PDZD8: variants seen among roughly 807,000 people sequenced by gnomAD.
PDZD8 encodes the protein PDZ domain containing 8.
PDZD8 carries 14 observed loss-of-function variants against 85.8 expected under a neutral mutation model. The observed-to-expected ratio is 0.16, with a 90% CI of 0.11 to 0.26. The LOEUF (loss-of-function observed/expected upper bound fraction) is 0.26, where lower values mean the gene tolerates loss of function less well. Among genes scored for constraint, PDZD8 ranks in the 10% least tolerant of loss-of-function variants. The pLI, the probability that PDZD8 is intolerant of heterozygous loss-of-function variation, is 1.00. For missense variants in PDZD8, 1,197 were observed against 1,424.3 expected (o/e 0.84, Z 2.57); for synonymous variants, 592 against 568.6 (o/e 1.04, Z -0.59).
chr10:117,315,765 G>C (rs1400811214), intron 3 of PDZD8, among the ~76,000 whole-genome samples: 1 of 151,932 alleles, frequency 6.6e-6, no homozygotes. Context: ...CGCTAACCAG[G>C]CACATAATGA....
At chr10:117,357,038 G>A (rs1158238506) in intron 1 of PDZD8, among the ~76,000 whole-genome samples, 1 of 152,144 alleles carries the variant, frequency 6.6e-6, no homozygotes, top group Non-Finnish European at 1.5e-5. Context: ...ATGCATTCAA[G>A]TCTAAATTAA....
intron 1 of PDZD8, among the ~76,000 whole-genome samples, chr10:117,353,720 G>C (rs1490924824): frequency 7.7e-6 from 1 of 130,622 alleles, no homozygotes; most frequent in Non-Finnish European, 1.6e-5. Context: ...GTGGCCCTAA[G>C]TTAATTACTG....
chr10:117,350,755 T>C (rs572385284), intron 1 of PDZD8, among the ~76,000 whole-genome samples: 37 of 151,552 alleles, frequency 2.4e-4, no homozygotes, highest in African/African-American at 8.7e-4. Context: ...TACAAAAAAA[T>C]TAGCTGGGTG....
intron 1 of PDZD8, among the ~76,000 whole-genome samples, chr10:117,373,878 A>T (rs1252002646): frequency 6.6e-6 from 1 of 152,226 alleles, no homozygotes; most frequent in Non-Finnish European, 1.5e-5. Flanking sequence ...AGTGGCTTGC[A>T]ATGTCAAATT....
intron 2 of PDZD8, 31 bp from the exon 3 acceptor site, chr10:117,319,005 T>C (rs1844179206): frequency 1.4e-6 from 2 of 1,402,086 alleles, no homozygotes; most frequent in Non-Finnish European, 2.0e-6. Flanking sequence ...AGGGAGAGTA[T>C]CATACCTGTT....
intron 1 of PDZD8, among the ~76,000 whole-genome samples, chr10:117,352,561 G>C (rs916193299): frequency 1.3e-5 from 2 of 152,188 alleles, no homozygotes; most frequent in African/African-American, 4.8e-5. Context: ...GATAAAGCAG[G>C]TGATATTGGA....
chr10:117,354,911 T>C (rs975485827), intron 1 of PDZD8, among the ~76,000 whole-genome samples: 4 of 152,214 alleles, frequency 2.6e-5, no homozygotes, highest in Admixed American at 2.6e-4. Context: ...TTCCCCCTGC[T>C]GCATTAAAAG....
At chr10:117,329,770 A>C (rs1307543628) in intron 2 of PDZD8, among the ~76,000 whole-genome samples, 34 of 151,574 alleles carry the variant, frequency 2.2e-4, no homozygotes, top group Non-Finnish European at 1.3e-4. Flanking sequence ...ACATGGCAAA[A>C]CTCTGTCTCT....
intron 2 of PDZD8, among the ~76,000 whole-genome samples, chr10:117,330,113 T>C (rs1477566124): frequency 6.6e-6 from 1 of 150,994 alleles, no homozygotes; most frequent in Non-Finnish European, 1.5e-5. Context: ...AACCCTGCAC[T>C]TGAAGGGGGT....
At chr10:117,352,252 A>C (rs1294501244) in intron 1 of PDZD8, among the ~76,000 whole-genome samples, 1 of 152,196 alleles carries the variant, frequency 6.6e-6, no homozygotes, top group Non-Finnish European at 1.5e-5. Flanking sequence ...CCCAATGTAA[A>C]AATATGCAGA....
chr10:117,336,053 G>C (rs1017937609), intron 2 of PDZD8, among the ~76,000 whole-genome samples: 11 of 152,166 alleles, frequency 7.2e-5, no homozygotes, highest in Non-Finnish European at 1.5e-4. Context: ...TATTTAACGA[G>C]ATATCTTGAA....
At chr10:117,298,633 C>A (rs940981544) in intron 3 of PDZD8, among the ~76,000 whole-genome samples, 2 of 151,940 alleles carry the variant, frequency 1.3e-5, no homozygotes, top group Non-Finnish European at 2.9e-5. Context: ...ACTTTATATT[C>A]TTCCCTCTTT....
In PDZD8 at chr10:117,283,598, A is replaced by C; in HGVS notation, c.3135T>G (p.Asn1045Lys). The change falls in exon 5 of 5, where the codon AAT becomes AAG. Residue 1045 changes from asparagine to lysine, a missense_variant. Physicochemically the swap from Asn to Lys is moderately conservative, Grantham distance 94. Transcript: ENST00000334464. ...TGTGTTCCAACTCCTGATCAATTTC[A>C]TTCTGTAGCTTATCCAACATGAACT... ...KLEFMLDKLQ[N>K]EIDQELEHNN... 9 of 1,614,134 alleles carry C rather than the reference A, an allele frequency of 5.6e-6. No individual in the cohort carries two copies. Among genetic ancestry groups the C allele is most frequent in the Non-Finnish European group, 6.8e-6 (8 of 1,180,032 alleles).
intron 3 of PDZD8, among the ~76,000 whole-genome samples, chr10:117,312,502 T>C (rs1056800096): frequency 3.9e-5 from 6 of 152,118 alleles, no homozygotes; most frequent in African/African-American, 1.4e-4. Context: ...GCAGGATACA[T>C]AGCGTAAAAA....
intron 2 of PDZD8, among the ~76,000 whole-genome samples, chr10:117,330,973 G>T (rs1844411868): frequency 6.6e-6 from 1 of 152,080 alleles, no homozygotes. Context: ...GTTTTCCATG[G>T]TAGTGTCAAT....
rs1319485684 is a variant in PDZD8, at chr10:117,281,873, T to C, written c.*1395A>G. ...TTTTAAACTCATGTCAGTTTCACTA[T>C]ATAGCAATCATCATAGCAGTTACCT... On this transcript the variant is annotated 3_prime_UTR_variant, in exon 5 of 5. Coordinates refer to ENST00000334464, the MANE Select transcript of PDZD8 (RefSeq NM_173791.5). The C allele has an allele frequency of 3.3e-5, 5 of 152,200 alleles. 1 individual carries two copies. The highest frequency in any genetic ancestry group is 2.6e-4 in the Admixed American group (4 of 15,280). 9.4% of individuals were successfully genotyped at this position (152,200 alleles called of 1,614,324 possible). A position where few individuals can be genotyped will look rare whatever the true frequency, so the allele number is the denominator to read the frequency against.
At chr10:117,333,833 TGACAACACTA>T (rs1420056508) in intron 2 of PDZD8, among the ~76,000 whole-genome samples, 1 of 152,210 alleles carries the variant, frequency 6.6e-6, no homozygotes, top group Admixed American at 6.5e-5. Context: ...CAAGACCAGA[TGACAACACTA>T]AAAAAGAATT....
chr10:117,335,285 C>T (rs1844497652), intron 2 of PDZD8, among the ~76,000 whole-genome samples: 1 of 152,010 alleles, frequency 6.6e-6, no homozygotes, highest in African/African-American at 2.4e-5. Context: ...TAATTTGTTG[C>T]CAGCAGACCT....
In PDZD8 at chr10:117,371,548, C is replaced by T. The variant is rs150751799; in HGVS notation, c.872+2808G>A. On this transcript the variant is annotated intron_variant, in intron 1 of 4. Transcript: ENST00000334464. The stretch of plus-strand genomic sequence containing the variant: ...GACAAGAAGTCATCACTTGCTGAGG[C>T]AGCCCTTTTCATCGTCATACTTGCT... Among the ~76,000 whole-genome samples the T allele has an allele frequency of 5.1e-3, 780 of 152,328 alleles. 2 individuals are homozygous for T. The highest frequency in any genetic ancestry group is 0.01 in the Middle Eastern group (3 of 294).
Sources: gnomAD v4.1 joint callset for allele counts (sites outside exome capture counted in the v4.1 genomes callset) on GRCh38, gnomAD v4.1.1 for gene constraint, MANE v1.5 for transcripts, NCBI Gene and HGNC (gene_info 2026-07-23, HGNC 2026-07-21) for gene names.